Variants in ADIPOR1 observed in about 807,000 individuals in gnomAD.
ADIPOR1 encodes the protein adiponectin receptor protein 1.
A neutral mutation model predicts 37.5 loss-of-function variants in ADIPOR1; 15 were observed. The ratio of observed to expected loss-of-function variants is 0.40; its 90% CI spans 0.27 to 0.62. The LOEUF (loss-of-function observed/expected upper bound fraction) is 0.62. Among genes scored for constraint, ADIPOR1 ranks in the 20% least tolerant of loss-of-function variants. The probability of loss-of-function intolerance (pLI) is 0.42; values close to 1 mark genes in which losing one functional copy is unlikely to be tolerated. For missense variants in ADIPOR1, 286 were observed against 478.0 expected (o/e 0.60, Z 3.75); for synonymous variants, 173 against 173.2 (o/e 1.00, Z 0.01).
intron 2 of ADIPOR1, among the ~76,000 whole-genome samples, chr1:202,949,307 G>A (rs1368656598): frequency 4.6e-5 from 7 of 151,654 alleles, no homozygotes; most frequent in South Asian, 4.2e-4. Context: ...AGGGCCGGGC[G>A]CGGTGGCTCA....
intron 5 of ADIPOR1, chr1:202,944,750 T>C (rs868237562): frequency 1.9e-4 from 66 of 338,986 alleles, no homozygotes; most frequent in African/African-American, 1.2e-3. Flanking sequence ...AGGTAGAAAA[T>C]ATATTCCACA....
chr1:202,950,572 C>A (rs1654533026), intron 2 of ADIPOR1, among the ~76,000 whole-genome samples: 1 of 152,032 alleles, frequency 6.6e-6, no homozygotes, highest in South Asian at 2.1e-4. Flanking sequence ...TTCTGAAATT[C>A]TTTTGCTTGA....
In ADIPOR1 at chr1:202,948,405, T is replaced by G; in HGVS notation, c.157A>C (p.Thr53Pro). ...TCTTCTTCCTGGGGCACTGGGCATGTTTGCTCTTCTTCAGCCTATGGGGGA... is the reference window on the plus strand; with the variant it reads ...TCTTCTTCCTGGGGCACTGGGCATGGTTGCTCTTCTTCAGCCTATGGGGGA... ...ANPPKAEEEQ[T>P]CPVPQEEEEE... Residue 53 changes from threonine to proline, a missense_variant, in exon 3 of 8, where the codon ACA becomes CCA. Transcript: ENST00000340990. 1 of 1,613,968 alleles carries G rather than the reference T, an allele frequency of 6.2e-7. No homozygotes were observed. Among genetic ancestry groups the G allele is most frequent in the Non-Finnish European group, 8.5e-7 (1 of 1,179,900 alleles).
At chr1:202,943,982 G>A (rs764822494) in intron 5 of ADIPOR1, 37 bp from the exon 6 acceptor site, 7 of 1,563,402 alleles carry the variant, frequency 4.5e-6, no homozygotes, top group Non-Finnish European at 6.1e-6. Context: ...AATCAGTGGG[G>A]GAAATGAATT....
At chr1:202,945,284 T>A in intron 4 of ADIPOR1, 115 bp from the exon 5 acceptor site, 2 of 1,037,014 alleles carry the variant, frequency 1.9e-6, no homozygotes. Flanking sequence ...ATCAGGGAAA[T>A]ACAAATTAAA....
At position 202,942,157 on chromosome 1, in the gene ADIPOR1, C is replaced by T. The variant is rs1654115158; in HGVS notation, c.867G>A (p.Glu289=). The stretch of plus-strand genomic sequence containing the variant: ...CCACTGTGGTGGCCTTGACAAAGCC[C>T]TCAGCGATAGTAAAGTGCATGGTGG... ...VVPTMHFTIA[E]GFVKATTVGQ... is the part of the protein sequence containing the mutation. Residue 289 remains glutamate, a synonymous_variant, in exon 7 of 8, where the codon GAG becomes GAA. Coordinates refer to ENST00000340990, the MANE Select transcript of ADIPOR1 (RefSeq NM_015999.6). 6.2e-7 allele frequency: 1 copy of T among 1,614,070 alleles called. No individual in the cohort carries two copies. Among genetic ancestry groups the T allele is most frequent in the Non-Finnish European group, 8.5e-7 (1 of 1,180,044 alleles).
intron 1 of ADIPOR1, among the ~76,000 whole-genome samples, chr1:202,956,871 T>C (rs940521235): frequency 2.6e-5 from 4 of 152,298 alleles, no homozygotes; most frequent in African/African-American, 9.6e-5. Context: ...CTCCCTGTTA[T>C]TTTTCTGAGA....
At chr1:202,954,928 TGG>T (rs1279612151) in intron 1 of ADIPOR1, among the ~76,000 whole-genome samples, 2 of 152,330 alleles carry the variant, frequency 1.3e-5, no homozygotes, top group African/African-American at 4.8e-5. Context: ...GTTTAGTTCC[TGG>T]GCCTTTAGAG....
At chr1:202,945,996 C>CT (rs1654297818) in intron 4 of ADIPOR1, among the ~76,000 whole-genome samples, 1 of 138,426 alleles carries the variant, frequency 7.2e-6, no homozygotes, top group South Asian at 2.3e-4. Flanking sequence ...AACCCCCCCC[C>CT]ACCCCTTTGT....
intron 6 of ADIPOR1, among the ~76,000 whole-genome samples, chr1:202,943,131 G>T (rs1249804693): frequency 6.6e-6 from 1 of 152,072 alleles, no homozygotes; most frequent in Admixed American, 6.6e-5. Context: ...GCCCCCCAAA[G>T]TGCTGGGATT....
chr1:202,956,181 T>C (rs1654775778), intron 1 of ADIPOR1, among the ~76,000 whole-genome samples: 1 of 152,188 alleles, frequency 6.6e-6, no homozygotes, highest in Non-Finnish European at 1.5e-5. Context: ...ATAACAACGT[T>C]GATGAGTACT....
chr1:202,953,899 C>T (rs1654678188), intron 1 of ADIPOR1, among the ~76,000 whole-genome samples: 1 of 152,242 alleles, frequency 6.6e-6, no homozygotes, highest in African/African-American at 2.4e-5. Flanking sequence ...TTACTAGAGG[C>T]AATGAGAATA....
chr1:202,943,495 C>T (rs1654183903), intron 6 of ADIPOR1, among the ~76,000 whole-genome samples: 1 of 152,146 alleles, frequency 6.6e-6, no homozygotes, highest in South Asian at 2.1e-4. Context: ...TGTCACAAAC[C>T]AAGTATAAGA....
intron 3 of ADIPOR1, among the ~76,000 whole-genome samples, chr1:202,946,973 G>A (rs1214478865): frequency 2.6e-5 from 4 of 151,884 alleles, no homozygotes; most frequent in Non-Finnish European, 4.4e-5. Context: ...AAAATTGGCC[G>A]GGCATGGTGG....
At chr1:202,949,266 C>T (rs1654460188) in intron 2 of ADIPOR1, among the ~76,000 whole-genome samples, 1 of 151,880 alleles carries the variant, frequency 6.6e-6, no homozygotes, top group African/African-American at 2.4e-5. Flanking sequence ...AACAGCGGTA[C>T]TGACTCCAGG....
chr1:202,956,286 G>A (rs56930471), intron 1 of ADIPOR1, among the ~76,000 whole-genome samples: 6,350 of 152,326 alleles, frequency 0.042, 176 homozygotes, highest in South Asian at 0.11. Flanking sequence ...GATGGGACAG[G>A]ATAATGTAGC....
intron 1 of ADIPOR1, among the ~76,000 whole-genome samples, chr1:202,955,965 A>T (rs1362113744): frequency 6.6e-6 from 1 of 152,152 alleles, no homozygotes; most frequent in Non-Finnish European, 1.5e-5. Flanking sequence ...TAGTAGAGAC[A>T]GGGTTTTGCC....
intron 1 of ADIPOR1, 44 bp from the exon 2 acceptor site, chr1:202,951,208 T>C (rs557912619): frequency 9.9e-7 from 1 of 1,006,082 alleles, no homozygotes; most frequent in South Asian, 1.6e-5. Context: ...TTTATTCCTC[T>C]TACAGTTTCA....
Position 202,946,384 on chromosome 1 carries a change from C to T in ADIPOR1, c.430+55G>A, listed in dbSNP as rs895842670. 30 of 1,604,198 alleles carry T rather than the reference C, an allele frequency of 1.9e-5. No homozygotes were observed. The African/African-American group carries it at 2.5e-4, about 14-fold the overall frequency. On this transcript the variant is annotated intron_variant, in intron 4 of 7. Transcript: ENST00000340990. ...GAACAACTTTGTTGGGCTCTATAAT[C>T]CCTTCGCAGTTAGGGAGACAACAAA...
Sources: allele counts gnomAD v4.1 joint callset (sites outside exome capture counted in the v4.1 genomes callset), GRCh38; gene constraint gnomAD v4.1.1; transcripts MANE v1.5; gene names NCBI Gene and HGNC (gene_info 2026-07-23, HGNC 2026-07-21).